The following RTN1 variants were observed in gnomAD, a reference collection of about 807,000 sequenced individuals.
The protein encoded by RTN1 is reticulon 1, also known as reticulon-1.
Under a neutral mutation model 65.5 loss-of-function variants are expected in RTN1, and 25 were observed. The observed-to-expected ratio is 0.38, with a 90% CI of 0.28 to 0.53. The LOEUF (loss-of-function observed/expected upper bound fraction) is 0.53, where lower values mean the gene tolerates loss of function less well. RTN1 is among the 20% of genes least tolerant of loss of function. The pLI is 0.79. For missense variants in RTN1, 983 were observed against 1,025.4 expected, an observed-to-expected ratio of 0.96 and a Z score of 0.57; for synonymous variants, 471 against 447.6, an observed-to-expected ratio of 1.05 and a Z score of -0.66.
chr14:59,634,996 C>T (rs181791559), intron 3 of RTN1, among the ~76,000 whole-genome samples: 8 of 152,222 alleles, frequency 5.3e-5, no homozygotes, highest in South Asian at 2.1e-4. Flanking sequence ...TGGACTAACA[C>T]GGGAACTTGA....
At chr14:59,848,671 G>A (rs1887451624) in intron 1 of RTN1, among the ~76,000 whole-genome samples, 1 of 152,122 alleles carries the variant, frequency 6.6e-6, no homozygotes, top group Admixed American at 6.5e-5. Flanking sequence ...TTTTGAAAAT[G>A]TGCTATGATC....
chr14:59,717,598 C>T (rs1340191540), intron 3 of RTN1, among the ~76,000 whole-genome samples: 1 of 152,116 alleles, frequency 6.6e-6, no homozygotes, highest in Non-Finnish European at 1.5e-5. Flanking sequence ...GGCCTTTGTT[C>T]TAGTGGCATT....
intron 1 of RTN1, among the ~76,000 whole-genome samples, chr14:59,764,380 G>A (rs1348658791): frequency 1.3e-5 from 2 of 151,842 alleles, no homozygotes. Flanking sequence ...GAATGCAATG[G>A]CGCAACCTCG....
intron 3 of RTN1, among the ~76,000 whole-genome samples, chr14:59,616,842 C>A (rs1882116192): frequency 6.6e-6 from 1 of 152,168 alleles, no homozygotes; most frequent in South Asian, 2.1e-4. Context: ...TTAGGGCTCT[C>A]ATGGAAAGCT....
At chr14:59,717,583 G>T (rs1371989602) in intron 3 of RTN1, among the ~76,000 whole-genome samples, 1 of 152,150 alleles carries the variant, frequency 6.6e-6, no homozygotes, top group East Asian at 1.9e-4. Flanking sequence ...ACCATATACT[G>T]TTGGGGCCTT....
At chr14:59,607,025 AT>A (rs1488146130) in intron 4 of RTN1, among the ~76,000 whole-genome samples, 1 of 152,248 alleles carries the variant, frequency 6.6e-6, no homozygotes, top group East Asian at 1.9e-4. Context: ...GGATTAAGTA[AT>A]TGTTGGATTA....
intron 1 of RTN1, among the ~76,000 whole-genome samples, chr14:59,783,617 C>T (rs4576994): frequency 3.0e-4 from 46 of 152,210 alleles, no homozygotes; most frequent in African/African-American, 1.1e-3. Context: ...CAGTGATGAG[C>T]GGCCTCTGGA....
chr14:59,773,568 C>G (rs1885997242), intron 1 of RTN1, among the ~76,000 whole-genome samples: 2 of 152,226 alleles, frequency 1.3e-5, no homozygotes, highest in South Asian at 2.1e-4. Flanking sequence ...TTTCTGAAAG[C>G]TCAATTTTCC....
At chr14:59,839,302 C>A (rs1263765447) in intron 1 of RTN1, among the ~76,000 whole-genome samples, 2 of 152,080 alleles carry the variant, frequency 1.3e-5, no homozygotes, top group African/African-American at 4.8e-5. Flanking sequence ...ATTACAGGAA[C>A]CCTATCTTCC....
intron 3 of RTN1, among the ~76,000 whole-genome samples, chr14:59,687,148 T>C (rs1029753771): frequency 1.3e-5 from 2 of 152,244 alleles, no homozygotes; most frequent in African/African-American, 4.8e-5. Flanking sequence ...GGAACCAGTC[T>C]GCACGTGTCA....
At chr14:59,733,984 C>CT (rs1884955206) in intron 2 of RTN1, among the ~76,000 whole-genome samples, 1 of 152,210 alleles carries the variant, frequency 6.6e-6, no homozygotes, top group South Asian at 2.1e-4. Context: ...CACATTTGGG[C>CT]TGGCAAAAGG....
At chr14:59,780,663 A>G (rs1006511916) in intron 1 of RTN1, among the ~76,000 whole-genome samples, 11 of 152,258 alleles carry the variant, frequency 7.2e-5, no homozygotes, top group African/African-American at 2.6e-4. Flanking sequence ...TTTCCAATAT[A>G]AGGCAACTTC....
chr14:59,622,537 A>C (rs1040995877), intron 3 of RTN1, among the ~76,000 whole-genome samples: 4 of 152,168 alleles, frequency 2.6e-5, no homozygotes, highest in Admixed American at 2.0e-4. Context: ...GACAAACCTC[A>C]GTTGTTTCCA....
intron 1 of RTN1, among the ~76,000 whole-genome samples, chr14:59,747,004 C>A (rs982247013): frequency 1.3e-5 from 2 of 152,168 alleles, no homozygotes; most frequent in Non-Finnish European, 2.9e-5. Context: ...GACTACTGAT[C>A]CATCCAGTCT....
At chr14:59,863,509 T>C (rs1887746115) in intron 1 of RTN1, among the ~76,000 whole-genome samples, 1 of 152,204 alleles carries the variant, frequency 6.6e-6, no homozygotes, top group Admixed American at 6.5e-5. Flanking sequence ...GGAGTCTCTT[T>C]CAGTTTTCCT....
At chr14:59,811,486 G>A (rs749619547) in intron 1 of RTN1, among the ~76,000 whole-genome samples, 10 of 152,124 alleles carry the variant, frequency 6.6e-5, no homozygotes, top group Admixed American at 1.3e-4. Context: ...TTGTAAGTAC[G>A]TATCAATTCT....
At chr14:59,736,871 CA>C (rs1885011967) in intron 2 of RTN1, among the ~76,000 whole-genome samples, 2 of 126,520 alleles carry the variant, frequency 1.6e-5, no homozygotes, top group African/African-American at 6.3e-5. Flanking sequence ...ATATGCAAAT[CA>C]AAACATGTGA....
At position 59,774,124 on chromosome 14, in the gene RTN1, T is replaced by C. The variant is rs991844993; in HGVS notation, c.242-27643A>G. Among the ~76,000 whole-genome samples, 2 of 152,126 alleles carry C rather than the reference T, an allele frequency of 1.3e-5. No homozygotes were observed. The highest frequency in any genetic ancestry group is 4.8e-5 in the African/African-American group (2 of 41,428). On this transcript the variant is annotated intron_variant, in intron 1 of 8. Coordinates refer to ENST00000267484, the MANE Select transcript of RTN1 (RefSeq NM_021136.3). The surrounding 1 kb of genome is among the most constrained non-coding windows in gnomAD (Gnocchi z 5.1). ...AAGAGTGTCTGTAGTGGACTGACAG[T>C]TCCACTTACATGAAAGAGATGCTTT...
intron 3 of RTN1, among the ~76,000 whole-genome samples, chr14:59,647,223 A>G (rs1313545780): frequency 6.6e-6 from 1 of 152,250 alleles, no homozygotes; most frequent in East Asian, 1.9e-4. Flanking sequence ...CATAATGGTA[A>G]AGGGTTCAAT....
Sources: allele counts gnomAD v4.1 joint callset (sites outside exome capture counted in the v4.1 genomes callset), GRCh38; gene constraint gnomAD v4.1.1; non-coding constraint Gnocchi (gnomAD v3.1); transcripts MANE v1.5; gene names NCBI Gene and HGNC (gene_info 2026-07-23, HGNC 2026-07-21).